The following XIRP2 variants were observed in gnomAD, a reference collection of about 807,000 sequenced individuals.
XIRP2 encodes xin actin-binding repeat-containing protein 2.
Under a neutral mutation model 277.0 loss-of-function variants are expected in XIRP2, and 236 were observed. That is an observed-to-expected ratio of 0.85 (90% CI 0.77 to 0.95). The LOEUF (loss-of-function observed/expected upper bound fraction) is 0.95, where lower values mean the gene tolerates loss of function less well. Ranked by LOEUF, XIRP2 falls within the 40% of genes least tolerant of loss-of-function variation. XIRP2 has a pLI of 0.00. For missense variants in XIRP2, 4,640 were observed against 4,157.5 expected, an observed-to-expected ratio of 1.12 and a Z score of -3.19; for synonymous variants, 1,490 against 1,416.5, an observed-to-expected ratio of 1.05 and a Z score of -1.17.
intron 3 of XIRP2, among the ~76,000 whole-genome samples, chr2:167,201,260 A>AAGAG (rs369575681): frequency 4.9e-5 from 4 of 81,930 alleles, no homozygotes; most frequent in East Asian, 8.0e-4. Context: ...GAAAGAAAGA[A>AAGAG]AGAGAGAGGG....
chr2:166,919,419 T>C (rs1401070279), intron 2 of XIRP2, among the ~76,000 whole-genome samples: 3 of 152,198 alleles, frequency 2.0e-5, no homozygotes, highest in Non-Finnish European at 4.4e-5. Context: ...ATGAGACAAA[T>C]TACTCTAAGG....
chr2:166,970,665 A>G (rs1325427923), intron 2 of XIRP2, among the ~76,000 whole-genome samples: 1 of 151,966 alleles, frequency 6.6e-6, no homozygotes, highest in East Asian at 1.9e-4. Flanking sequence ...TAGAAAACAC[A>G]GACAAATGAA....
chr2:167,219,314 G>A (rs528185744), intron 5 of XIRP2, among the ~76,000 whole-genome samples: 4 of 152,264 alleles, frequency 2.6e-5, no homozygotes, highest in African/African-American at 9.6e-5. Flanking sequence ...TTAAGATTAA[G>A]ATACTTGTGA....
intron 10 of XIRP2, among the ~76,000 whole-genome samples, chr2:167,256,505 T>C (rs1695662059): frequency 6.6e-6 from 1 of 151,830 alleles, no homozygotes; most frequent in Non-Finnish European, 1.5e-5. Flanking sequence ...TTCTTTCAGG[T>C]CTTTTATCAT....
At chr2:167,098,523 C>A (rs1235857678) in intron 2 of XIRP2, among the ~76,000 whole-genome samples, 2 of 152,204 alleles carry the variant, frequency 1.3e-5, no homozygotes, top group East Asian at 3.8e-4. Flanking sequence ...TTATTACCCA[C>A]CTTCTGAAGC....
intron 2 of XIRP2, among the ~76,000 whole-genome samples, chr2:166,908,565 T>A (rs934267006): frequency 1.3e-5 from 2 of 152,212 alleles, no homozygotes; most frequent in African/African-American, 4.8e-5. Context: ...TTCTGTAGGT[T>A]GCCTGTTCAC....
intron 9 of XIRP2, 36 bp downstream of exon 9, chr2:167,251,983 C>T: frequency 6.6e-7 from 1 of 1,515,578 alleles, no homozygotes; most frequent in East Asian, 2.3e-5. Context: ...GAAGATTAAC[C>T]ATTTAAAGGC....
At chr2:167,130,090 T>A (rs1487088431) in intron 2 of XIRP2, among the ~76,000 whole-genome samples, 3 of 151,984 alleles carry the variant, frequency 2.0e-5, no homozygotes, top group African/African-American at 7.2e-5. Context: ...TTCTCTACCC[T>A]CCACCTCTTC....
intron 5 of XIRP2, among the ~76,000 whole-genome samples, chr2:167,221,807 A>C (rs1368214694): frequency 6.6e-6 from 1 of 152,196 alleles, no homozygotes; most frequent in Non-Finnish European, 1.5e-5. Flanking sequence ...CCTGGCCAAA[A>C]AATATTTATT....
chr2:167,254,930 C>A (rs556029800), intron 10 of XIRP2, among the ~76,000 whole-genome samples: 1 of 147,898 alleles, frequency 6.8e-6, no homozygotes, highest in East Asian at 2.0e-4. Context: ...TTGGCTAAAT[C>A]TAATGTGCAT....
chr2:167,068,814 TC>T (rs1689369472), intron 2 of XIRP2, among the ~76,000 whole-genome samples: 1 of 152,160 alleles, frequency 6.6e-6, no homozygotes, highest in African/African-American at 2.4e-5. Context: ...TCATAAACTT[TC>T]TTTAAATGTT....
At chr2:167,021,688 G>A (rs969663420) in intron 2 of XIRP2, among the ~76,000 whole-genome samples, 1 of 151,960 alleles carries the variant, frequency 6.6e-6, no homozygotes, top group African/African-American at 2.4e-5. Flanking sequence ...AGGCCAGTGT[G>A]ACGGGGCACA....
chr2:167,233,409 A>G (rs932827885), intron 5 of XIRP2, among the ~76,000 whole-genome samples: 8 of 151,966 alleles, frequency 5.3e-5, no homozygotes, highest in African/African-American at 1.9e-4. Flanking sequence ...TTCTGGCTGT[A>G]TAAGATTGAT....
intron 2 of XIRP2, among the ~76,000 whole-genome samples, chr2:167,007,697 TCTCTCTCACACACACACACA>T (rs1182262685): frequency 8.3e-6 from 1 of 120,834 alleles, no homozygotes; most frequent in Non-Finnish European, 1.7e-5. Context: ...TCTCTCTCTC[TCTCTCTCACACACACACACA>T]CACACACACA....
At chr2:167,071,813 CTGGTAACAGTG>C (rs1689444098) in intron 2 of XIRP2, among the ~76,000 whole-genome samples, 1 of 152,144 alleles carries the variant, frequency 6.6e-6, no homozygotes, top group South Asian at 2.1e-4. Context: ...TTGCCAGGCT[CTGGTAACAGTG>C]GTGGCTCTCA....
intron 2 of XIRP2, among the ~76,000 whole-genome samples, chr2:166,949,005 G>GT (rs891254797): frequency 3.3e-5 from 5 of 151,444 alleles, no homozygotes; most frequent in Admixed American, 6.6e-5. Context: ...TCATCAGGGT[G>GT]TTTTTTTTCT....
In XIRP2 at chr2:167,144,515, A is replaced by G. The variant is rs961487607; in HGVS notation, c.562+8453A>G. 2.6e-5 allele frequency among the ~76,000 whole-genome samples: 4 copies of G among 152,252 alleles called. No homozygotes were observed. The East Asian group carries it at 5.8e-4, about 22-fold the overall frequency. ...TAAAAAAAAAAATCAGATTTTGCCA[A>G]ACACAATAGGAAACTCACTCTGTTA... On this transcript the variant is annotated intron_variant, in intron 3 of 10. Transcript: ENST00000409195.
At chr2:167,103,075 A>G (rs1435050398) in intron 2 of XIRP2, among the ~76,000 whole-genome samples, 1 of 152,016 alleles carries the variant, frequency 6.6e-6, no homozygotes, top group African/African-American at 2.4e-5. Flanking sequence ...GGAGGTTGAG[A>G]CTACAGTCAG....
chr2:167,136,036 A>G lies in XIRP2; in HGVS notation c.536A>G (p.Glu179Gly), dbSNP rs918189208. The change falls in exon 3 of 11, where the codon GAA becomes GGA. Residue 179 changes from glutamate to glycine, a missense_variant. Glu to Gly is a moderately conservative substitution (Grantham distance 98, BLOSUM62 -2). Coordinates refer to ENST00000409195, the MANE Select transcript of XIRP2 (RefSeq NM_152381.6). Reference sequence around the variant, plus strand: ...ACATCTTTTGACAAGATGTCACCTGAAAGTGGTCACAGCCGCATCTTTGAA... The same window carrying G: ...ACATCTTTTGACAAGATGTCACCTGGAAGTGGTCACAGCCGCATCTTTGAA... The part of the protein sequence containing the change: ...KETSFDKMSP[E>G]SGHSRIFEAT... 2.5e-6 allele frequency: 4 copies of G among 1,608,666 alleles called. No homozygotes were observed. The highest frequency in any genetic ancestry group is 1.3e-5 in the African/African-American group (1 of 74,726).
Sources: allele counts gnomAD v4.1 joint callset (sites outside exome capture counted in the v4.1 genomes callset), GRCh38; gene constraint gnomAD v4.1.1; transcripts MANE v1.5; gene names NCBI Gene and HGNC (gene_info 2026-07-23, HGNC 2026-07-21).